Variants in PRXL2A observed in about 807,000 individuals in gnomAD.
PRXL2A encodes peroxiredoxin-like 2A.
Under a neutral mutation model 25.6 loss-of-function variants are expected in PRXL2A, and 26 were observed. That is an observed-to-expected ratio of 1.02 (90% confidence interval 0.74 to 1.41). The LOEUF (loss-of-function observed/expected upper bound fraction) is 1.41. PRXL2A is among the 40% of genes most tolerant of loss of function. The pLI, the probability that PRXL2A is intolerant of heterozygous loss-of-function variation, is 0.00. For synonymous variants in PRXL2A, 98 were observed against 102.9 expected (o/e 0.95, Z 0.29); for missense variants, 246 against 273.9 (o/e 0.90, Z 0.72).
At chr10:80,428,997 G>A (rs1336513637) in intron 5 of PRXL2A, among the ~76,000 whole-genome samples, 2 of 151,932 alleles carry the variant, frequency 1.3e-5, no homozygotes, top group Non-Finnish European at 2.9e-5. Context: ...CACCTCCTGG[G>A]TTCACGCCAT....
intron 1 of PRXL2A, among the ~76,000 whole-genome samples, chr10:80,417,340 C>T (rs1002941700): frequency 6.6e-6 from 1 of 152,066 alleles, no homozygotes; most frequent in Non-Finnish European, 1.5e-5. Context: ...GGTGCTAGTA[C>T]CTTATCAGTT....
chr10:80,436,660 C>G lies in PRXL2A; in HGVS notation c.*4561C>G, dbSNP rs1352796457. The G allele has an allele frequency of 6.6e-6, 1 of 152,174 alleles. No individual in the cohort carries two copies. Among genetic ancestry groups the G allele is most frequent in the Non-Finnish European group, 1.5e-5 (1 of 68,056 alleles). The allele number at this position is 152,174 out of a possible 1,614,324, so 9.4% of individuals were successfully genotyped here. A position where few individuals can be genotyped will look rare whatever the true frequency, so the allele number is the denominator to read the frequency against. ...TCTTGTTTCTGGCTTTTCATTCTCC[C>G]CCAAGGCTACCCATAGAAACTAGAA... is the stretch of plus-strand genomic sequence containing the variant. On this transcript the variant is annotated 3_prime_UTR_variant, in exon 6 of 6. Coordinates refer to ENST00000606162, the MANE Select transcript of PRXL2A (RefSeq NM_032333.5).
intron 5 of PRXL2A, among the ~76,000 whole-genome samples, chr10:80,428,106 G>A (rs1845115399): frequency 6.6e-6 from 1 of 152,212 alleles, no homozygotes; most frequent in African/African-American, 2.4e-5. Flanking sequence ...GGGGATCTTG[G>A]TGTCAGGGCT....
At chr10:80,427,305 A>G (rs779725462) in intron 4 of PRXL2A, 27 bp from the exon 5 acceptor site, 8 of 1,609,520 alleles carry the variant, frequency 5.0e-6, no homozygotes, top group Non-Finnish European at 5.9e-6. Flanking sequence ...GAGTACTCAT[A>G]TGGGATCTGT....
In PRXL2A at chr10:80,409,326, A is replaced by C. The variant is rs139227196; in HGVS notation, c.-3+683A>C. Among the ~76,000 whole-genome samples the C allele has an allele frequency of 2.5e-3, 373 of 152,110 alleles. 1 individual carries two copies. Among genetic ancestry groups the C allele is most frequent in the African/African-American group, 8.6e-3 (357 of 41,504 alleles). On this transcript the variant is annotated intron_variant, in intron 1 of 5. Coordinates refer to ENST00000606162, the MANE Select transcript of PRXL2A (RefSeq NM_032333.5). ...GCGGGAGGTGAAGGCGCAGGTGGAG[A>C]TGGTTAGAGGCAAAGGAAGGGAAGT...
intron 2 of PRXL2A, among the ~76,000 whole-genome samples, 167 bp from the exon 3 acceptor site, chr10:80,422,250 G>C (rs563676259): frequency 6.6e-6 from 1 of 152,162 alleles, no homozygotes; most frequent in Non-Finnish European, 1.5e-5. Flanking sequence ...TGTGTATTCT[G>C]TCTGTCTGTG....
In PRXL2A at chr10:80,435,372, G is replaced by A. The variant is rs1249574042; in HGVS notation, c.*3273G>A. On this transcript the variant is annotated 3_prime_UTR_variant, in exon 6 of 6. Coordinates refer to ENST00000606162, the MANE Select transcript of PRXL2A (RefSeq NM_032333.5). The stretch of plus-strand genomic sequence containing the variant: ...GCTGCTAGAAACTATGCTAGTGTTT[G>A]TTCAAGTCTCTCCGTGTCCGGGGTG... 1 of 152,178 alleles carries A rather than the reference G, an allele frequency of 6.6e-6. No homozygotes were observed. The highest frequency in any genetic ancestry group is 2.4e-5 in the African/African-American group (1 of 41,432). The allele number at this position is 152,178 out of a possible 1,614,324, so 9.4% of individuals were successfully genotyped here.
chr10:80,408,908 C>A, intron 1 of PRXL2A: 1 of 371,978 alleles, frequency 2.7e-6, no homozygotes, highest in Non-Finnish European at 3.7e-6. Context: ...AGACGGGGAC[C>A]CGGCGCTGCT....
At chr10:80,415,846 G>A (rs936842942) in intron 1 of PRXL2A, among the ~76,000 whole-genome samples, 2 of 152,208 alleles carry the variant, frequency 1.3e-5, no homozygotes, top group African/African-American at 4.8e-5. Context: ...TGTGGCAGGG[G>A]TGTGTTGGAA....
Position 80,434,050 on chromosome 10 carries a change from T to A in PRXL2A, c.*1951T>A, listed in dbSNP as rs1425879726. The A allele has an allele frequency of 6.6e-6, 1 of 152,456 alleles. No homozygotes were observed. Among genetic ancestry groups the A allele is most frequent in the Admixed American group, 6.5e-5 (1 of 15,270 alleles). The allele number at this position is 152,456 out of a possible 1,614,324, so 9.4% of individuals were successfully genotyped here. Reference sequence around the variant, plus strand: ...TGGGAGGCTGAGGCAGGAGAATCGCTTGAACCCAGGAGGCAGAGGTTGCAG... The same window carrying A: ...TGGGAGGCTGAGGCAGGAGAATCGCATGAACCCAGGAGGCAGAGGTTGCAG... On this transcript the variant is annotated 3_prime_UTR_variant, in exon 6 of 6. Transcript: ENST00000606162.
At chr10:80,424,005 A>G (rs1347491704) in intron 3 of PRXL2A, among the ~76,000 whole-genome samples, 1 of 152,112 alleles carries the variant, frequency 6.6e-6, no homozygotes, top group Non-Finnish European at 1.5e-5. Context: ...CAGCAACAGC[A>G]TGGAAGCCTG....
intron 5 of PRXL2A, among the ~76,000 whole-genome samples, chr10:80,431,485 G>A (rs1168992049): frequency 6.6e-6 from 1 of 151,842 alleles, no homozygotes; most frequent in Admixed American, 6.6e-5. Context: ...GTGTCTTAGT[G>A]CATTTTTTTT....
At position 80,427,357 on chromosome 10, in the gene PRXL2A, G is replaced by A. The variant is rs748019131; in HGVS notation, c.437G>A (p.Arg146Gln). ...EKKKFYGPQR[R>Q]KMMFMGFIRL... ...AAAAAGTTCTATGGTCCACAAAGGC[G>A]GAAGATGATGTTTATGGGATTTATC... Residue 146 changes from arginine (R) to glutamine (Q), a missense_variant, in exon 5 of 6, where the codon CGG becomes CAG. Transcript: ENST00000606162. The A allele has an allele frequency of 5.2e-5, 84 of 1,613,964 alleles. No individual in the cohort carries two copies. The highest frequency in any genetic ancestry group is 5.1e-4 in the South Asian group (46 of 91,084).
At chr10:80,411,984 A>G (rs1844491694) in intron 1 of PRXL2A, among the ~76,000 whole-genome samples, 1 of 152,206 alleles carries the variant, frequency 6.6e-6, no homozygotes, top group Non-Finnish European at 1.5e-5. Flanking sequence ...AGACTTTATC[A>G]GTTCCTGCCC....
At position 80,427,404 on chromosome 10, in the gene PRXL2A, T is replaced by C; in HGVS notation, c.484T>C (p.Phe162Leu). 1 of 1,614,138 alleles carries C rather than the reference T, an allele frequency of 6.2e-7. No individual in the cohort carries two copies. Among genetic ancestry groups the C allele is most frequent in the South Asian group, 1.1e-5 (1 of 91,084 alleles). The change falls in exon 5 of 6, where the codon TTC (phenylalanine) becomes CTC (leucine). Residue 162 changes from phenylalanine to leucine, a missense_variant. By Grantham distance (22) the Phe-to-Leu change is conservative (BLOSUM62 0). Coordinates refer to ENST00000606162, the MANE Select transcript of PRXL2A (RefSeq NM_032333.5). Reference sequence around the variant, plus strand: ...TATCCGTCTGGGAGTGTGGTACAACTTCTTCCGAGCCTGGAACGGAGGCTT... The same window carrying C: ...TATCCGTCTGGGAGTGTGGTACAACCTCTTCCGAGCCTGGAACGGAGGCTT... ...GFIRLGVWYN[F>L]FRAWNGGFSG... is the part of the protein sequence containing the mutation.
chr10:80,422,181 G>A (rs1844887190), intron 2 of PRXL2A, among the ~76,000 whole-genome samples: 1 of 152,166 alleles, frequency 6.6e-6, no homozygotes, highest in African/African-American at 2.4e-5. Flanking sequence ...TTCATGGTGG[G>A]AGGGACCTAC....
intron 1 of PRXL2A, among the ~76,000 whole-genome samples, chr10:80,418,792 T>A (rs947606038): frequency 6.6e-6 from 1 of 151,920 alleles, no homozygotes; most frequent in African/African-American, 2.4e-5. Context: ...GAGGTGGGGG[T>A]ACTTTGTGGG....
intron 2 of PRXL2A, among the ~76,000 whole-genome samples, chr10:80,421,721 C>G (rs1254646659): frequency 6.6e-6 from 1 of 151,850 alleles, no homozygotes; most frequent in Non-Finnish European, 1.5e-5. Context: ...TAATTAAGGG[C>G]TCATATTTAT....
chr10:80,411,554 A>C (rs73305106), intron 1 of PRXL2A, among the ~76,000 whole-genome samples: 1 of 152,172 alleles, frequency 6.6e-6, no homozygotes, highest in Non-Finnish European at 1.5e-5. Context: ...GGGAGACCCA[A>C]ACCTGAGTCC....
Sources: allele counts gnomAD v4.1 joint callset (sites outside exome capture counted in the v4.1 genomes callset), GRCh38; gene constraint gnomAD v4.1.1; transcripts MANE v1.5; gene names NCBI Gene and HGNC (gene_info 2026-07-23, HGNC 2026-07-21).